The following KCNH7 variants were observed in gnomAD, a reference collection of about 807,000 sequenced individuals.
The protein encoded by KCNH7 is potassium voltage-gated channel subfamily H member 7, also known as voltage-gated inwardly rectifying potassium channel KCNH7.
KCNH7 carries 49 observed loss-of-function variants against 120.8 expected under a neutral mutation model. That is an observed-to-expected ratio of 0.41 (90% CI 0.32 to 0.51). The LOEUF (loss-of-function observed/expected upper bound fraction) is 0.51. Ranked by LOEUF, KCNH7 falls within the 20% of genes least tolerant of loss-of-function variation. KCNH7 has a pLI of 0.38. For missense variants in KCNH7, 1,097 were observed against 1,446.6 expected (o/e 0.76, Z 3.92); for synonymous variants, 547 against 516.1 (o/e 1.06, Z -0.81).
chr2:162,683,406 G>T (rs1260416061), intron 2 of KCNH7, among the ~76,000 whole-genome samples: 1 of 151,818 alleles, frequency 6.6e-6, no homozygotes, highest in East Asian at 1.9e-4. Flanking sequence ...GTATTTTAGT[G>T]ATGAAAATAA....
intron 2 of KCNH7, among the ~76,000 whole-genome samples, chr2:162,654,712 A>G (rs1242132072): frequency 6.6e-6 from 1 of 152,166 alleles, no homozygotes; most frequent in African/African-American, 2.4e-5. Context: ...GTCACTGAGC[A>G]TTATTCACAA....
chr2:162,592,629 C>G (rs905721997), intron 2 of KCNH7, among the ~76,000 whole-genome samples: 2 of 152,086 alleles, frequency 1.3e-5, no homozygotes. Flanking sequence ...CTTACTATCT[C>G]TCCCTCCAGG....
intron 2 of KCNH7, among the ~76,000 whole-genome samples, chr2:162,709,713 T>A (rs940594327): frequency 3.9e-5 from 6 of 152,166 alleles, no homozygotes; most frequent in African/African-American, 1.4e-4. Flanking sequence ...TTTTTCTTAC[T>A]GTGTTCAGAA....
At chr2:162,682,099 G>C (rs1685731381) in intron 2 of KCNH7, among the ~76,000 whole-genome samples, 1 of 151,462 alleles carries the variant, frequency 6.6e-6, no homozygotes, top group Admixed American at 6.6e-5. Context: ...TCAATGATGT[G>C]TCAGATCTTG....
rs1683241231 is a variant in KCNH7 at position 162,776,423 on chromosome 2, A to G, written c.307+60114T>C. Among the ~76,000 whole-genome samples, 3 of 152,212 alleles carry G rather than the reference A, an allele frequency of 2.0e-5. No individual in the cohort carries two copies. The East Asian group carries it at 5.8e-4, about 29-fold the overall frequency. ...CTTTTGGGTGTTCAGCTGAAAAGAC[A>G]TATTGATTTGAAGACTGTATTTTGG... On this transcript the variant is annotated intron_variant, in intron 2 of 15. Transcript: ENST00000332142.
chr2:162,830,911 T>G (rs569714923), intron 2 of KCNH7, among the ~76,000 whole-genome samples: 1 of 152,252 alleles, frequency 6.6e-6, no homozygotes, highest in East Asian at 1.9e-4. Context: ...ATCTCTATTT[T>G]TTATAAGTTA....
At chr2:162,497,743 G>A (rs1690543143) in intron 6 of KCNH7, among the ~76,000 whole-genome samples, 1 of 152,040 alleles carries the variant, frequency 6.6e-6, no homozygotes, top group Non-Finnish European at 1.5e-5. Flanking sequence ...AATGCATATG[G>A]ATAATAACGG....
intron 6 of KCNH7, among the ~76,000 whole-genome samples, chr2:162,487,270 G>A (rs77571102): frequency 0.016 from 2,506 of 152,218 alleles, 81 homozygotes; most frequent in African/African-American, 0.056. Context: ...ACTTGCAATA[G>A]CAATTAAAGA....
chr2:162,532,421 T>C (rs1235009509), intron 3 of KCNH7, among the ~76,000 whole-genome samples: 1 of 151,860 alleles, frequency 6.6e-6, no homozygotes, highest in Admixed American at 6.6e-5. Context: ...AGACCCCAGA[T>C]ACCAGAGTCA....
chr2:162,753,409 T>C (rs1018209558), intron 2 of KCNH7, among the ~76,000 whole-genome samples: 48 of 152,170 alleles, frequency 3.2e-4, no homozygotes, highest in African/African-American at 1.1e-3. Flanking sequence ...GCTTATGAGA[T>C]AGATTACGAA....
chr2:162,759,747 G>T (rs1559119896), intron 2 of KCNH7, among the ~76,000 whole-genome samples: 1 of 151,742 alleles, frequency 6.6e-6, no homozygotes. Context: ...AGTAGAAAAA[G>T]AAAAAATATC....
At chr2:162,604,473 G>A (rs971509044) in intron 2 of KCNH7, among the ~76,000 whole-genome samples, 9 of 152,012 alleles carry the variant, frequency 5.9e-5, no homozygotes, top group Non-Finnish European at 1.2e-4. Context: ...TAGGTGTTAA[G>A]GATTACCAGA....
chr2:162,373,347 G>C (rs1457773953), intron 15 of KCNH7, 123 bp downstream of exon 15: 1 of 574,582 alleles, frequency 1.7e-6, no homozygotes, highest in Non-Finnish European at 2.8e-6. Flanking sequence ...AATTCTATTT[G>C]AGTAGAAACA....
chr2:162,538,309 C>A (rs555274682), intron 2 of KCNH7, among the ~76,000 whole-genome samples: 9 of 151,994 alleles, frequency 5.9e-5, no homozygotes, highest in Non-Finnish European at 1.5e-5. Flanking sequence ...TCCAATGTGG[C>A]CCAGGGAAAC....
intron 3 of KCNH7, among the ~76,000 whole-genome samples, chr2:162,536,608 C>T (rs550678061): frequency 4.7e-4 from 71 of 152,004 alleles, no homozygotes; most frequent in African/African-American, 1.6e-3. Context: ...CAATAATATA[C>T]ATATGAAAAT....
chr2:162,544,469 C>A (rs1006084313), intron 2 of KCNH7, among the ~76,000 whole-genome samples: 3 of 152,038 alleles, frequency 2.0e-5, no homozygotes, highest in African/African-American at 7.2e-5. Flanking sequence ...ATTATCATCC[C>A]CATTAGGCAG....
rs759375277 is a variant in KCNH7 at position 162,488,820 on chromosome 2, G to T, written c.1128+15623C>A. Among the ~76,000 whole-genome samples the T allele has an allele frequency of 7.9e-5, 12 of 152,286 alleles. No homozygotes were observed. The South Asian group carries it at 1.0e-3, about 13-fold the overall frequency. ...CAACCCATGAGTCGACCACTTCCCAGTGCCAGGGCTCCGACACCTTGCCCG... is the reference window on the plus strand; with the variant it reads ...CAACCCATGAGTCGACCACTTCCCATTGCCAGGGCTCCGACACCTTGCCCG... On this transcript the variant is annotated intron_variant, in intron 6 of 15. Transcript: ENST00000332142.
At chr2:162,697,304 G>T (rs1486265537) in intron 2 of KCNH7, among the ~76,000 whole-genome samples, 1 of 152,144 alleles carries the variant, frequency 6.6e-6, no homozygotes, top group East Asian at 1.9e-4. Context: ...TGTACCAAAA[G>T]TGTGCAATCA....
At chr2:162,380,172 G>A (rs1421807663) in intron 13 of KCNH7, 151 bp from the exon 14 acceptor site, 3 of 856,164 alleles carry the variant, frequency 3.5e-6, no homozygotes, top group South Asian at 1.8e-5. Context: ...CAGGGGCCAC[G>A]GCCAGTTGGT....
Sources: gnomAD v4.1 joint callset for allele counts (sites outside exome capture counted in the v4.1 genomes callset) on GRCh38, gnomAD v4.1.1 for gene constraint, MANE v1.5 for transcripts, NCBI Gene and HGNC (gene_info 2026-07-23, HGNC 2026-07-21) for gene names.